GAREM1: variants seen among roughly 807,000 people sequenced by gnomAD.
The protein encoded by GAREM1 is GRB2-associated and regulator of MAPK protein 1.
In GAREM1, 26 loss-of-function variants were observed where a neutral mutation model predicts 71.3. The ratio of observed to expected loss-of-function variants is 0.36; its 90% CI spans 0.27 to 0.51. The LOEUF is 0.51. Among genes scored for constraint, GAREM1 ranks in the 20% least tolerant of loss-of-function variants. The pLI is 0.95. For missense variants in GAREM1, 1,026 were observed against 1,103.1 expected (o/e 0.93, Z 0.99); for synonymous variants, 440 against 433.2 (o/e 1.02, Z -0.20).
At chr18:32,289,991 T>TTGTG (rs61701777) in intron 3 of GAREM1, among the ~76,000 whole-genome samples, 1 of 151,662 alleles carries the variant, frequency 6.6e-6, no homozygotes, top group African/African-American at 2.4e-5. Flanking sequence ...AGGTTTTTTT[T>TTGTG]TGTGTGTGTG....
chr18:32,268,121 C>T lies in GAREM1; in HGVS notation c.2381G>A (p.Arg794Lys). The T allele has an allele frequency of 6.2e-7, 1 of 1,614,088 alleles. No individual in the cohort carries two copies. The highest frequency in any genetic ancestry group is 8.5e-7 in the Non-Finnish European group (1 of 1,180,014). Residue 794 changes from arginine to lysine, a missense_variant, in exon 6 of 6, where the codon AGA becomes AAA. Arg to Lys is a conservative substitution (Grantham distance 26). Coordinates refer to ENST00000269209, the MANE Select transcript of GAREM1 (RefSeq NM_001242409.2). ...CCATGGGGAACCGTCGCCACAGGAT[C>T]TGGGGGCCAGCTGGAGATGGAGCGG... ...SSPLHLQLAP[R>K]SCGDGSPWQP...
intron 2 of GAREM1, among the ~76,000 whole-genome samples, chr18:32,321,694 C>T (rs2047430770): frequency 6.6e-6 from 1 of 152,226 alleles, no homozygotes; most frequent in African/African-American, 2.4e-5. Context: ...TAATCTCTCA[C>T]ATTCAATTAC....
At position 32,439,136 on chromosome 18, in the gene GAREM1, C is replaced by T. The variant is rs535005626; in HGVS notation, c.121+31172G>A. Among the ~76,000 whole-genome samples the T allele has an allele frequency of 4.6e-5, 7 of 152,288 alleles. No homozygotes were observed. In the East Asian group the frequency reaches 1.4e-3, roughly 29 times the overall value. On this transcript the variant is annotated intron_variant, in intron 1 of 5. Transcript: ENST00000269209. ...ACCTGGAGCTTAAACAGCATAATTG[C>T]AGAGGATCCTCAAGACAAACACCAA... is the stretch of plus-strand genomic sequence containing the variant.
rs556685010 is a variant in GAREM1 at position 32,303,341 on chromosome 18, C to T, written c.393+6852G>A. On this transcript the variant is annotated intron_variant, in intron 3 of 5. Coordinates refer to ENST00000269209, the MANE Select transcript of GAREM1 (RefSeq NM_001242409.2). ...ATGCCAAATCGAAGGCCACCTTTTT[C>T]CCCTCTCTCTCCACAACTGTCATAG... is the stretch of plus-strand genomic sequence containing the variant. 4.6e-5 allele frequency among the ~76,000 whole-genome samples: 7 copies of T among 152,298 alleles called. No individual in the cohort carries two copies. The East Asian group carries it at 1.4e-3, about 29-fold the overall frequency.
intron 2 of GAREM1, among the ~76,000 whole-genome samples, chr18:32,337,260 C>T (rs2047605421): frequency 6.6e-6 from 1 of 152,204 alleles, no homozygotes; most frequent in Admixed American, 6.5e-5. Context: ...CTAACAGAGC[C>T]ATATGCAATT....
rs189703227 is a variant in GAREM1, at chr18:32,327,745, T to A, written c.263-17422A>T. ...GTGAGACATCACTTAGTGAGACTAA[T>A]ATGAGGCAATGTGAGTAGTGGACAA... On this transcript the variant is annotated intron_variant, in intron 2 of 5. Transcript: ENST00000269209. 2.9e-3 allele frequency among the ~76,000 whole-genome samples: 443 copies of A among 152,302 alleles called. 4 individuals are homozygous for A. Among genetic ancestry groups the A allele is most frequent in the African/African-American group, 0.01 (424 of 41,556 alleles).
chr18:32,432,641 A>C (rs1440694622), intron 1 of GAREM1, among the ~76,000 whole-genome samples: 2 of 152,166 alleles, frequency 1.3e-5, no homozygotes, highest in Admixed American at 6.5e-5. Context: ...CATGAAAAGG[A>C]TAACAAGGTA....
chr18:32,348,638 C>T (rs180785476), intron 2 of GAREM1, among the ~76,000 whole-genome samples: 15 of 152,136 alleles, frequency 9.9e-5, no homozygotes, highest in Admixed American at 2.0e-4. Context: ...GCAGGAGAAT[C>T]GTTTGAACCT....
intron 2 of GAREM1, 40 bp from the exon 3 acceptor site, chr18:32,310,363 T>C (rs2047306600): frequency 6.2e-7 from 1 of 1,605,388 alleles, no homozygotes; most frequent in African/African-American, 1.3e-5. Context: ...AAGATGTTTA[T>C]GCTGGACTGC....
At chr18:32,348,573 A>C (rs912529368) in intron 2 of GAREM1, among the ~76,000 whole-genome samples, 2 of 151,550 alleles carry the variant, frequency 1.3e-5, no homozygotes, top group Admixed American at 6.6e-5. Flanking sequence ...AAAATACGAA[A>C]ATTAGCTGGG....
At chr18:32,286,312 T>G (rs980984946) in intron 4 of GAREM1, among the ~76,000 whole-genome samples, 1 of 148,056 alleles carries the variant, frequency 6.8e-6, no homozygotes, top group Non-Finnish European at 1.5e-5. Flanking sequence ...CCCTGGCACC[T>G]GGTTCTGGAG....
chr18:32,283,763 T>C (rs2046979135), intron 4 of GAREM1, among the ~76,000 whole-genome samples: 1 of 152,176 alleles, frequency 6.6e-6, no homozygotes, highest in African/African-American at 2.4e-5. Flanking sequence ...GCTCACGATG[T>C]AGTTTCCCTG....
chr18:32,374,553 G>A (rs928887607), intron 2 of GAREM1, among the ~76,000 whole-genome samples: 14 of 152,158 alleles, frequency 9.2e-5, no homozygotes, highest in Admixed American at 2.0e-4. Context: ...ATTTGCATTA[G>A]TTTTACACAG....
At chr18:32,391,147 A>G (rs1326220340) in intron 2 of GAREM1, among the ~76,000 whole-genome samples, 1 of 152,160 alleles carries the variant, frequency 6.6e-6, no homozygotes, top group Admixed American at 6.6e-5. Flanking sequence ...GCTGCGGAGG[A>G]CGGCTGAACC....
chr18:32,280,319 G>A (rs765772797), intron 4 of GAREM1, among the ~76,000 whole-genome samples: 12 of 152,152 alleles, frequency 7.9e-5, no homozygotes, highest in East Asian at 1.9e-4. Flanking sequence ...GGGCAGTCAC[G>A]TGAGGCCCCT....
At chr18:32,446,500 C>T (rs1231946392) in intron 1 of GAREM1, among the ~76,000 whole-genome samples, 1 of 152,102 alleles carries the variant, frequency 6.6e-6, no homozygotes, top group East Asian at 1.9e-4. Flanking sequence ...CTATCCTGAC[C>T]AAACCAGGAT....
At chr18:32,345,612 C>T (rs1057389166) in intron 2 of GAREM1, among the ~76,000 whole-genome samples, 12 of 152,114 alleles carry the variant, frequency 7.9e-5, no homozygotes, top group African/African-American at 1.2e-4. Flanking sequence ...AAAGAAAATG[C>T]CAGTTTCTGG....
rs926048483 is a variant in GAREM1 at position 32,265,376 on chromosome 18, G to C, written c.*2495C>G. 6.6e-6 allele frequency: 1 copy of C among 152,160 alleles called. No homozygotes were observed. Among genetic ancestry groups the C allele is most frequent in the Non-Finnish European group, 1.5e-5 (1 of 68,044 alleles). The allele number at this position is 152,160 out of a possible 1,614,324, so 9.4% of individuals were successfully genotyped here. A position where few individuals can be genotyped will look rare whatever the true frequency, so the allele number is the denominator to read the frequency against. Reference sequence around the variant, plus strand: ...TTGGGGTGTTCTGTACCCCTTAATAGAGGCTGACGTTTTAAAGACAGGACA... The same window carrying C: ...TTGGGGTGTTCTGTACCCCTTAATACAGGCTGACGTTTTAAAGACAGGACA... On this transcript the variant is annotated 3_prime_UTR_variant, in exon 6 of 6. Transcript: ENST00000269209.
chr18:32,348,132 T>G (rs1409378986), intron 2 of GAREM1, among the ~76,000 whole-genome samples: 4 of 152,204 alleles, frequency 2.6e-5, no homozygotes, highest in African/African-American at 9.7e-5. Flanking sequence ...AAGGATACAT[T>G]TGCCATAGAG....
Sources: allele counts gnomAD v4.1 joint callset (sites outside exome capture counted in the v4.1 genomes callset), GRCh38; gene constraint gnomAD v4.1.1; transcripts MANE v1.5; gene names NCBI Gene and HGNC (gene_info 2026-07-23, HGNC 2026-07-21).